The following ANKRD22 variants were observed in gnomAD, a reference collection of about 807,000 sequenced individuals.
ANKRD22 encodes the protein ankyrin repeat domain 22.
ANKRD22 carries 24 observed loss-of-function variants against 25.7 expected under a neutral mutation model. The observed-to-expected ratio is 0.93, with a 90% confidence interval of 0.68 to 1.31. The LOEUF (loss-of-function observed/expected upper bound fraction) is 1.31, where lower values mean the gene tolerates loss of function less well. ANKRD22 is among the 50% of genes most tolerant of loss of function. The pLI, the probability that ANKRD22 is intolerant of heterozygous loss-of-function variation, is 0.00. For missense variants in ANKRD22, 214 were observed against 227.1 expected (o/e 0.94, Z 0.37); for synonymous variants, 84 against 84.3 (o/e 1.00, Z 0.02).
chr10:88,839,684 C>T (rs1843986594), intron 1 of ANKRD22, among the ~76,000 whole-genome samples: 1 of 152,040 alleles, frequency 6.6e-6, no homozygotes, highest in Non-Finnish European at 1.5e-5. Context: ...AGGTCAAGCA[C>T]CCAGAACATG....
At chr10:88,847,160 T>A (rs555522299) in intron 1 of ANKRD22, among the ~76,000 whole-genome samples, 1 of 152,192 alleles carries the variant, frequency 6.6e-6, no homozygotes, top group East Asian at 1.9e-4. Context: ...TGTGGAATGT[T>A]TTTTTACATT....
intron 5 of ANKRD22, 75 bp downstream of exon 5, chr10:88,823,205 T>G (rs1843817292): frequency 1.4e-6 from 2 of 1,384,578 alleles, no homozygotes; most frequent in South Asian, 2.4e-5. Context: ...GGCAAATAAT[T>G]TACTTCAACA....
intron 1 of ANKRD22, among the ~76,000 whole-genome samples, chr10:88,832,932 C>T (rs939361900): frequency 6.6e-6 from 1 of 152,178 alleles, no homozygotes; most frequent in Non-Finnish European, 1.5e-5. Context: ...TAAAACACAC[C>T]ACCTGCCTTT....
chr10:88,837,795 T>C (rs1048993642), intron 1 of ANKRD22, among the ~76,000 whole-genome samples: 2 of 152,228 alleles, frequency 1.3e-5, no homozygotes, highest in African/African-American at 4.8e-5. Flanking sequence ...TGATAGTGAA[T>C]AAGTCTCACT....
At chr10:88,826,492 G>A (rs1337970690) in intron 3 of ANKRD22, among the ~76,000 whole-genome samples, 2 of 152,182 alleles carry the variant, frequency 1.3e-5, no homozygotes, top group Non-Finnish European at 2.9e-5. Context: ...GACCTACAAA[G>A]CCCCGTATGT....
chr10:88,830,021 T>G (rs1041729499), intron 2 of ANKRD22, among the ~76,000 whole-genome samples: 2 of 152,224 alleles, frequency 1.3e-5, no homozygotes, highest in Non-Finnish European at 2.9e-5. Flanking sequence ...ACTCCTGGTC[T>G]CAAACTATCC....
chr10:88,849,605 A>G (rs1022111330), intron 1 of ANKRD22, among the ~76,000 whole-genome samples: 9 of 152,158 alleles, frequency 5.9e-5, no homozygotes, highest in African/African-American at 2.2e-4. Flanking sequence ...AAATAAGGAT[A>G]CTAAAAGTGA....
intron 2 of ANKRD22, 30 bp downstream of exon 2, chr10:88,831,805 T>G: frequency 6.4e-7 from 1 of 1,555,848 alleles, no homozygotes; most frequent in Non-Finnish European, 8.7e-7. Context: ...TCATGAACAA[T>G]TACACTCTCC....
intron 4 of ANKRD22, among the ~76,000 whole-genome samples, chr10:88,825,011 T>TCTCTCTCTCA (rs1420247268): frequency 9.0e-6 from 1 of 111,420 alleles, no homozygotes; most frequent in Non-Finnish European, 2.0e-5. Flanking sequence ...TCTCTCTCTC[T>TCTCTCTCTCA]CACACACACA....
At position 88,820,444 on chromosome 10, in the gene ANKRD22, T is replaced by C. The variant is rs1168648160; in HGVS notation, c.*2497A>G. ...ACCGTATGTACAATGAAATCATCCA[T>C]CTGATGCAGCAGGAGGAGACCAACC... On this transcript the variant is annotated 3_prime_UTR_variant, in exon 6 of 6. Transcript: ENST00000371930. 3 of 1,551,830 alleles carry C rather than the reference T, an allele frequency of 1.9e-6. No individual in the cohort carries two copies. The highest frequency in any genetic ancestry group is 3.9e-5 in the Admixed American group (2 of 50,976).
At chr10:88,833,731 T>C (rs1459544723) in intron 1 of ANKRD22, among the ~76,000 whole-genome samples, 1 of 152,226 alleles carries the variant, frequency 6.6e-6, no homozygotes, top group Non-Finnish European at 1.5e-5. Context: ...ACATGATACA[T>C]GGGCTTTAAG....
At position 88,831,380 on chromosome 10, in the gene ANKRD22, A is replaced by G. The variant is rs1285509892; in HGVS notation, c.213+455T>C. 2.0e-5 allele frequency among the ~76,000 whole-genome samples: 3 copies of G among 152,106 alleles called. No homozygotes were observed. The East Asian group carries it at 5.8e-4, about 29-fold the overall frequency. Reference sequence around the variant, plus strand: ...TGTCCTTGGTAAATTTCTCAATAGTACTCTTTCATTCTACAAGAACACTAT... The same window carrying G: ...TGTCCTTGGTAAATTTCTCAATAGTGCTCTTTCATTCTACAAGAACACTAT... On this transcript the variant is annotated intron_variant, in intron 2 of 5. Transcript: ENST00000371930.
intron 1 of ANKRD22, among the ~76,000 whole-genome samples, chr10:88,845,057 G>T (rs1844035456): frequency 8.3e-6 from 1 of 120,794 alleles, no homozygotes; most frequent in Admixed American, 8.9e-5. Flanking sequence ...GTCTTGTCCT[G>T]TCCTCTTACA....
At chr10:88,846,397 A>AC (rs1489452164) in intron 1 of ANKRD22, among the ~76,000 whole-genome samples, 2 of 152,206 alleles carry the variant, frequency 1.3e-5, no homozygotes, top group African/African-American at 4.8e-5. Context: ...CACCATTCTC[A>AC]CATGGCTAAA....
chr10:88,832,501 C>G (rs72474859), intron 1 of ANKRD22, among the ~76,000 whole-genome samples: 6 of 145,436 alleles, frequency 4.1e-5, no homozygotes, highest in African/African-American at 1.6e-4. Flanking sequence ...TTAGTAAAGA[C>G]AAAATGTCTT....
At chr10:88,828,031 G>T (rs939912475) in intron 3 of ANKRD22, among the ~76,000 whole-genome samples, 2 of 152,166 alleles carry the variant, frequency 1.3e-5, no homozygotes, top group Non-Finnish European at 2.9e-5. Context: ...CAAGAAAATT[G>T]CTGTCTGCCA....
At chr10:88,840,218 A>C (rs1843991806) in intron 1 of ANKRD22, among the ~76,000 whole-genome samples, 2 of 152,162 alleles carry the variant, frequency 1.3e-5, no homozygotes, top group Admixed American at 1.3e-4. Flanking sequence ...TTACTTGCCC[A>C]GGCACTAAAA....
chr10:88,832,268 T>A (rs1843911713), intron 1 of ANKRD22, among the ~76,000 whole-genome samples: 1 of 152,114 alleles, frequency 6.6e-6, no homozygotes. Flanking sequence ...GTCCATCAAA[T>A]GGATGAATAA....
intron 2 of ANKRD22, 88 bp downstream of exon 2, chr10:88,831,747 T>TA: frequency 7.4e-7 from 1 of 1,355,114 alleles, no homozygotes; most frequent in South Asian, 1.6e-5. Flanking sequence ...GCAAGCAATT[T>TA]AAAAAATGAC....
Sources: allele counts gnomAD v4.1 joint callset (sites outside exome capture counted in the v4.1 genomes callset), GRCh38; gene constraint gnomAD v4.1.1; transcripts MANE v1.5; gene names NCBI Gene and HGNC (gene_info 2026-07-23, HGNC 2026-07-21).